Variants in COL6A3 observed in about 807,000 individuals in gnomAD.
The protein encoded by COL6A3 is collagen alpha-3(VI) chain.
In COL6A3, 137 loss-of-function variants were observed where a neutral mutation model predicts 274.1. That is an observed-to-expected ratio of 0.50 (90% CI 0.44 to 0.58). The LOEUF (loss-of-function observed/expected upper bound fraction) is 0.58. Among genes scored for constraint, COL6A3 ranks in the 20% least tolerant of loss-of-function variants. COL6A3 has a pLI of 0.00. For missense variants in COL6A3, 3,950 were observed against 4,124.9 expected, an observed-to-expected ratio of 0.96 and a Z score of 1.16; for synonymous variants, 1,650 against 1,650.6, an observed-to-expected ratio of 1.00 and a Z score of 0.01.
chr2:237,362,405 C>T (rs757478692), intron 14 of COL6A3, among the ~76,000 whole-genome samples: 2 of 152,234 alleles, frequency 1.3e-5, no homozygotes, highest in African/African-American at 2.4e-5. Context: ...ACATTCTCAT[C>T]CCATCTGGCC....
intron 1 of COL6A3, among the ~76,000 whole-genome samples, chr2:237,398,905 GT>G (rs2078519413): frequency 6.6e-6 from 1 of 152,156 alleles, no homozygotes; most frequent in African/African-American, 2.4e-5. Context: ...GTTATCAAAA[GT>G]TATTCAGCAT....
intron 38 of COL6A3, among the ~76,000 whole-genome samples, chr2:237,339,360 A>G (rs1444321368): frequency 6.6e-6 from 1 of 152,260 alleles, no homozygotes; most frequent in Non-Finnish European, 1.5e-5. Context: ...TAAGTTAAAG[A>G]TATATTTATC....
chr2:237,409,399 A>G (rs1221963467), intron 1 of COL6A3, among the ~76,000 whole-genome samples: 2 of 152,004 alleles, frequency 1.3e-5, no homozygotes, highest in Non-Finnish European at 2.9e-5. Context: ...GGACCCATCA[A>G]CTCGTCATTT....
intron 4 of COL6A3, among the ~76,000 whole-genome samples, chr2:237,383,305 T>C (rs1410137271): frequency 6.6e-6 from 1 of 152,240 alleles, no homozygotes; most frequent in East Asian, 1.9e-4. Flanking sequence ...AATAACACAG[T>C]TGCCTACTGG....
At chr2:237,372,940 G>A (rs1444374414) in intron 8 of COL6A3, among the ~76,000 whole-genome samples, 2 of 152,212 alleles carry the variant, frequency 1.3e-5, no homozygotes, top group African/African-American at 4.8e-5. Context: ...TGGTGCCACT[G>A]AGCAGGTGAG....
intron 31 of COL6A3, among the ~76,000 whole-genome samples, 167 bp downstream of exon 31, chr2:237,347,640 T>C (rs879225560): frequency 3.1e-4 from 47 of 152,216 alleles, no homozygotes; most frequent in South Asian, 6.2e-4. Flanking sequence ...ACAGCCATGG[T>C]GGCACCCTGA....
rs886043065 is a variant in COL6A3, at chr2:237,394,592, A to G, written c.704T>C (p.Ile235Thr). 8 of 1,613,900 alleles carry G rather than the reference A, an allele frequency of 5.0e-6. No individual in the cohort carries two copies. Among genetic ancestry groups the G allele is most frequent in the African/African-American group, 1.3e-5 (1 of 74,914 alleles). ...RAGDTETLKD[I>T]TAQDSADIIF... ...CTTGGTGGCGTTGCCATTACCTGTGATGTCTTTAAGGGTTTCCGTGTCCCC... is the reference window on the plus strand; with the variant it reads ...CTTGGTGGCGTTGCCATTACCTGTGGTGTCTTTAAGGGTTTCCGTGTCCCC... The change falls in exon 3 of 44, where the codon ATC becomes ACC. Residue 235 changes from isoleucine (I) to threonine (T), a missense_variant. Around this residue, in one of 5 missense-constraint regions of COL6A3, gnomAD observed 1,934 missense variants for 1,984.3 expected, o/e 0.97. Coordinates refer to ENST00000295550, the MANE Select transcript of COL6A3 (RefSeq NM_004369.4).
intron 17 of COL6A3, 109 bp downstream of exon 17, chr2:237,359,979 G>T: frequency 8.8e-7 from 1 of 1,139,092 alleles, no homozygotes; most frequent in Non-Finnish European, 1.3e-6. Context: ...GCTGCTGAAT[G>T]CTGAGGTCAA....
In COL6A3 at chr2:237,361,259, G is replaced by A; in HGVS notation, c.6157-85C>T. ...GAATCCCTGTGGTCCCCCTTCATTT[G>A]GCAGAGCAGCACTAAAACTCAGCAT... On this transcript the variant is annotated intron_variant, in intron 15 of 43. Transcript: ENST00000295550. The surrounding 1 kb of genome is among the most constrained non-coding windows in gnomAD (Gnocchi z 5.1). 8.0e-7 allele frequency: 1 copy of A among 1,256,438 alleles called. No homozygotes were observed. The highest frequency in any genetic ancestry group is 1.2e-6 in the Non-Finnish European group (1 of 858,670). 77.8% of individuals were successfully genotyped at this position (1,256,438 alleles called of 1,614,324 possible). A position where few individuals can be genotyped will look rare whatever the true frequency, so the allele number is the denominator to read the frequency against.
intron 37 of COL6A3, 148 bp from the exon 38 acceptor site, chr2:237,341,298 C>A: frequency 1.3e-6 from 1 of 777,102 alleles, no homozygotes; most frequent in South Asian, 1.5e-5. Context: ...GTAATCCCAG[C>A]ACTTTGGGAG....
At position 237,324,788 on chromosome 2, in the gene COL6A3, C is replaced by T. The variant is rs1417694286; in HGVS notation, c.9520G>A (p.Val3174Met). Residue 3174 changes from valine to methionine, a missense_variant, in exon 44 of 44, where the codon GTG becomes ATG. Coordinates refer to ENST00000295550, the MANE Select transcript of COL6A3 (RefSeq NM_004369.4). ...PVLAKPGVIS[V>M]MGT ...GCCACCCACGCTTAGGTTCCCATCACACTGATGACTCCGGGTTTGGCGAGC... is the reference window on the plus strand; with the variant it reads ...GCCACCCACGCTTAGGTTCCCATCATACTGATGACTCCGGGTTTGGCGAGC... The T allele has an allele frequency of 1.9e-6, 3 of 1,613,700 alleles. No homozygotes were observed. The highest frequency in any genetic ancestry group is 2.2e-5 in the East Asian group (1 of 44,906).
At chr2:237,347,765 G>A (rs566591454) in intron 31 of COL6A3, 42 bp downstream of exon 31, 21 of 1,560,134 alleles carry the variant, frequency 1.3e-5, no homozygotes, top group African/African-American at 2.7e-5. Flanking sequence ...TGAGACATAC[G>A]TTCTCATTCC....
Position 237,366,844 on chromosome 2 carries a change from G to T in COL6A3, c.5343C>A (p.Ile1781=). Residue 1781 remains isoleucine (I), a synonymous_variant, in exon 11 of 44, where the codon ATC becomes ATA. Transcript: ENST00000295550. ...VKVFAVGVRN[I]DSEEVGKIAS... ...CTATCTTTCCAACCTCCTCCGAGTC[G>T]ATATTCCTCACTCCAACAGCAAACA... 1 of 1,614,224 alleles carries T rather than the reference G, an allele frequency of 6.2e-7. No individual in the cohort carries two copies. Among genetic ancestry groups the T allele is most frequent in the African/African-American group, 1.3e-5 (1 of 75,050 alleles).
In COL6A3 at chr2:237,340,781, G is replaced by T. The variant is rs2076970618; in HGVS notation, c.8135C>A (p.Thr2712Asn). 6.2e-7 allele frequency: 1 copy of T among 1,614,126 alleles called. No homozygotes were observed. Among genetic ancestry groups the T allele is most frequent in the Admixed American group, 1.7e-5 (1 of 60,020 alleles). Residue 2712 changes from threonine (T) to asparagine (N), a missense_variant, in exon 38 of 44, where the codon ACC (threonine) becomes AAC (asparagine). Coordinates refer to ENST00000295550, the MANE Select transcript of COL6A3 (RefSeq NM_004369.4). ...LSRGMTQLQG[T>N]RALGSAIEYT... is the part of the protein sequence containing the mutation. ...TTCAATGGCACTGCCTAAGGCCCTG[G>T]TTCCCTGCAACTGTGTCATTCCCCT...
chr2:237,408,844 G>T (rs565901709), intron 1 of COL6A3, among the ~76,000 whole-genome samples: 2 of 152,276 alleles, frequency 1.3e-5, no homozygotes, highest in South Asian at 4.1e-4. Flanking sequence ...TTGGGAGAAG[G>T]TTTGGCAGAA....
rs752785838 is a variant in COL6A3, at chr2:237,368,766, G to A, written c.4697C>T (p.Ser1566Leu). Reference sequence around the variant, plus strand: ...TCCTACCCCTAAACTCACAATGCCCGAGGAACGGATCACCTGGGCGAACCT... The same window carrying A: ...TCCTACCCCTAAACTCACAATGCCCAAGGAACGGATCACCTGGGCGAACCT... ...VSRFAQVIRS[S>L]GIVSLGVGDR... The change falls in exon 10 of 44, where the codon TCG becomes TTG. Residue 1566 changes from serine to leucine, a missense_variant. Physicochemically the swap from Ser to Leu is moderately radical, Grantham distance 145. Around this residue, in one of 5 missense-constraint regions of COL6A3, gnomAD observed 632 missense variants for 623.4 expected, o/e 1.01. Coordinates refer to ENST00000295550, the MANE Select transcript of COL6A3 (RefSeq NM_004369.4). The surrounding 1 kb of genome is among the most constrained non-coding windows in gnomAD (Gnocchi z 4.4). 1.4e-5 allele frequency: 23 copies of A among 1,614,092 alleles called. No individual in the cohort carries two copies. The Admixed American group carries it at 1.7e-4, about 12-fold the overall frequency.
rs943897845 is a variant in COL6A3, at chr2:237,396,828, T to A, written c.-11A>T. On this transcript the variant is annotated 5_prime_UTR_variant, in exon 2 of 44. Transcript: ENST00000295550. ...CCGATGTTTCCTCATTTTGAATTTGTCTAAGCACCAAATATGAACCTAAAA... is the reference window on the plus strand; with the variant it reads ...CCGATGTTTCCTCATTTTGAATTTGACTAAGCACCAAATATGAACCTAAAA... The A allele has an allele frequency of 6.2e-7, 1 of 1,613,234 alleles. No individual in the cohort carries two copies. The highest frequency in any genetic ancestry group is 1.3e-5 in the African/African-American group (1 of 74,914).
intron 21 of COL6A3, 49 bp downstream of exon 21, chr2:237,358,472 C>A: frequency 6.8e-7 from 1 of 1,480,138 alleles, no homozygotes; most frequent in South Asian, 1.1e-5. Context: ...TTCCCAACAA[C>A]CCTCTTCCCC....
At chr2:237,351,096 T>C (rs1479761996) in intron 27 of COL6A3, 34 bp downstream of exon 27, 6 of 1,610,044 alleles carry the variant, frequency 3.7e-6, no homozygotes, top group Non-Finnish European at 5.1e-6. Flanking sequence ...CTGGTCCCTG[T>C]CCTCAGGAAA....
Sources: allele counts gnomAD v4.1 joint callset (sites outside exome capture counted in the v4.1 genomes callset), GRCh38; gene constraint gnomAD v4.1.1; regional missense constraint gnomAD v4.1.1; non-coding constraint Gnocchi (gnomAD v3.1); transcripts MANE v1.5; gene names NCBI Gene and HGNC (gene_info 2026-07-23, HGNC 2026-07-21).